The following SLC35F4 variants were observed in gnomAD, a reference collection of about 807,000 sequenced individuals.
SLC35F4 encodes solute carrier family 35 member F4.
In SLC35F4, 24 loss-of-function variants were observed where a neutral mutation model predicts 44.2. That is an observed-to-expected ratio of 0.54 (90% confidence interval 0.39 to 0.76). The LOEUF (loss-of-function observed/expected upper bound fraction) is 0.76. Ranked by LOEUF, SLC35F4 falls within the 30% of genes least tolerant of loss-of-function variation. The probability of loss-of-function intolerance (pLI) is 0.00; values close to 1 mark genes in which losing one functional copy is unlikely to be tolerated. For synonymous variants in SLC35F4, 238 were observed against 223.6 expected, an observed-to-expected ratio of 1.06 and a Z score of -0.57; for missense variants, 562 against 586.1, an observed-to-expected ratio of 0.96 and a Z score of 0.42.
chr14:57,600,721 C>CAAAA (rs1566668126), intron 1 of SLC35F4, among the ~76,000 whole-genome samples: 3 of 129,802 alleles, frequency 2.3e-5, no homozygotes, highest in Admixed American at 7.9e-5. Flanking sequence ...AAAAAAAAAC[C>CAAAA]AAAAAGATAA....
chr14:57,828,295 T>C (rs1246664565), intron 1 of SLC35F4, among the ~76,000 whole-genome samples: 1 of 152,154 alleles, frequency 6.6e-6, no homozygotes, highest in African/African-American at 2.4e-5. Flanking sequence ...CTCCACATGA[T>C]GAAAATGTTC....
intron 1 of SLC35F4, among the ~76,000 whole-genome samples, chr14:57,773,229 G>A (rs1262761757): frequency 1.3e-5 from 2 of 152,078 alleles, no homozygotes; most frequent in Non-Finnish European, 2.9e-5. Flanking sequence ...GTTGATTCTG[G>A]ACATTAGTCC....
intron 1 of SLC35F4, among the ~76,000 whole-genome samples, chr14:57,889,414 G>A (rs6573176): frequency 0.098 from 14,910 of 152,276 alleles, 800 homozygotes; most frequent in Middle Eastern, 0.12. Flanking sequence ...TGACCCAGCC[G>A]AACAGTGCCA....
At chr14:57,616,839 C>T (rs915270180) in intron 1 of SLC35F4, among the ~76,000 whole-genome samples, 8 of 152,106 alleles carry the variant, frequency 5.3e-5, no homozygotes, top group Non-Finnish European at 8.8e-5. Flanking sequence ...CATCCCTTGA[C>T]ACTGTGGGTC....
chr14:57,796,564 TA>T (rs1255324237), intron 1 of SLC35F4, among the ~76,000 whole-genome samples: 1 of 152,192 alleles, frequency 6.6e-6, no homozygotes, highest in Non-Finnish European at 1.5e-5. Flanking sequence ...TTAAAAGTCA[TA>T]AATAAAAGCA....
intron 1 of SLC35F4, among the ~76,000 whole-genome samples, chr14:57,950,475 T>C (rs960197532): frequency 6.6e-6 from 1 of 152,090 alleles, no homozygotes; most frequent in Non-Finnish European, 1.5e-5. Flanking sequence ...TACCTTTCTC[T>C]GGTATCTCCT....
At chr14:57,681,885 T>C (rs2140305979) in intron 1 of SLC35F4, among the ~76,000 whole-genome samples, 1 of 151,196 alleles carries the variant, frequency 6.6e-6, no homozygotes, top group African/African-American at 2.5e-5. Context: ...CCAATAAACA[T>C]AGGAAAAAAA....
At chr14:57,591,425 C>T (rs537132535) in intron 2 of SLC35F4, among the ~76,000 whole-genome samples, 1 of 152,310 alleles carries the variant, frequency 6.6e-6, no homozygotes, top group South Asian at 2.1e-4. Flanking sequence ...TGCAAATTTC[C>T]TCCATGACCA....
chr14:57,618,005 T>C (rs1464708368), intron 1 of SLC35F4, among the ~76,000 whole-genome samples: 2 of 152,286 alleles, frequency 1.3e-5, no homozygotes, highest in East Asian at 3.9e-4. Context: ...GGTTAAGTAA[T>C]GATGGTGTCT....
At chr14:57,664,727 C>T (rs942587131) in intron 1 of SLC35F4, among the ~76,000 whole-genome samples, 8 of 152,104 alleles carry the variant, frequency 5.3e-5, no homozygotes, top group East Asian at 3.9e-4. Context: ...TTCTAAACTG[C>T]GGATTACACA....
At chr14:57,973,767 A>G (rs1211462167), downstream of SLC35F4, among the ~76,000 whole-genome samples, 2 of 152,114 alleles carry the variant, frequency 1.3e-5, no homozygotes, top group Non-Finnish European at 2.9e-5. Flanking sequence ...CTCAAGTAGG[A>G]TCCATGTCTA....
At chr14:57,910,804 A>G (rs1889202725) in intron 1 of SLC35F4, among the ~76,000 whole-genome samples, 1 of 152,046 alleles carries the variant, frequency 6.6e-6, no homozygotes, top group Non-Finnish European at 1.5e-5. Flanking sequence ...AATCATCAAT[A>G]TCTATAAAAT....
chr14:57,688,835 C>T (rs907139514), intron 1 of SLC35F4, among the ~76,000 whole-genome samples: 2 of 152,124 alleles, frequency 1.3e-5, no homozygotes, highest in East Asian at 3.9e-4. Flanking sequence ...TTACAAAGGG[C>T]TCCTCATTAT....
chr14:57,846,658 T>C (rs1015443054), intron 1 of SLC35F4, among the ~76,000 whole-genome samples: 1 of 152,192 alleles, frequency 6.6e-6, no homozygotes. Context: ...GCCAAGACTT[T>C]AGTAGCCAAG....
At chr14:57,635,182 G>A (rs544769477) in intron 1 of SLC35F4, among the ~76,000 whole-genome samples, 47 of 151,418 alleles carry the variant, frequency 3.1e-4, no homozygotes, top group Non-Finnish European at 5.6e-4. Context: ...GAAGTTTGAG[G>A]CTGCAGTGAG....
intron 1 of SLC35F4, among the ~76,000 whole-genome samples, chr14:57,667,337 GTTTA>G (rs1022512013): frequency 8.2e-5 from 11 of 134,180 alleles, no homozygotes; most frequent in African/African-American, 1.5e-4. Flanking sequence ...TGTTGTTGTT[GTTTA>G]TTTATTTTTA....
intron 1 of SLC35F4, among the ~76,000 whole-genome samples, chr14:57,629,168 G>C (rs2072638023): frequency 6.6e-6 from 1 of 152,098 alleles, no homozygotes; most frequent in African/African-American, 2.4e-5. Flanking sequence ...CTGTTCTGTA[G>C]CACACACTCT....
intron 1 of SLC35F4, among the ~76,000 whole-genome samples, chr14:57,828,312 G>T (rs1884003940): frequency 6.6e-6 from 1 of 152,100 alleles, no homozygotes; most frequent in African/African-American, 2.4e-5. Flanking sequence ...GTTCTCTCAG[G>T]ACTGAAACCA....
At chr14:57,695,132 A>G (rs1160503434) in intron 1 of SLC35F4, among the ~76,000 whole-genome samples, 2 of 152,118 alleles carry the variant, frequency 1.3e-5, no homozygotes, top group African/African-American at 4.8e-5. Context: ...TGTCTAAAAC[A>G]CCAAAAGCAA....
Sources: allele counts gnomAD v4.1 joint callset (sites outside exome capture counted in the v4.1 genomes callset), GRCh38; gene constraint gnomAD v4.1.1; transcripts MANE v1.5; gene names NCBI Gene and HGNC (gene_info 2026-07-23, HGNC 2026-07-21).